The following STARD9 variants were observed in gnomAD, a reference collection of about 807,000 sequenced individuals.
STARD9 encodes StAR related lipid transfer domain containing 9, also known as stAR-related lipid transfer protein 9.
Under a neutral mutation model 399.8 loss-of-function variants are expected in STARD9, and 346 were observed. The ratio of observed to expected loss-of-function variants is 0.87; its 90% CI spans 0.79 to 0.95. The LOEUF (loss-of-function observed/expected upper bound fraction) is 0.95. Among genes scored for constraint, STARD9 ranks in the 40% least tolerant of loss-of-function variants. The pLI, the probability that STARD9 is intolerant of heterozygous loss-of-function variation, is 0.00. For synonymous variants in STARD9, 2,203 were observed against 2,143.5 expected, an observed-to-expected ratio of 1.03 and a Z score of -0.77; for missense variants, 5,832 against 5,667.5, an observed-to-expected ratio of 1.03 and a Z score of -0.93.
At position 42,661,930 on chromosome 15, in the gene STARD9, TTTCTC is replaced by T. The variant is rs1185189604; in HGVS notation, c.770+708_770+712del. On this transcript the variant is annotated intron_variant, in intron 10 of 32. Coordinates refer to ENST00000290607, the MANE Select transcript of STARD9 (RefSeq NM_020759.3). ...TGAAGGTAACTGAATTAGTACAACT[TTTCTC>T]TTTGATTTAATATTGATTTTATTTT... 3.3e-5 allele frequency among the ~76,000 whole-genome samples: 5 copies of T among 152,186 alleles called. No homozygotes were observed. The East Asian group carries it at 9.6e-4, about 29-fold the overall frequency.
At chr15:42,619,205 A>C (rs998574061) in intron 3 of STARD9, among the ~76,000 whole-genome samples, 2 of 152,178 alleles carry the variant, frequency 1.3e-5, no homozygotes, top group African/African-American at 4.8e-5. Flanking sequence ...GAATGATTTG[A>C]ACAACTCCAG....
chr15:42,607,197 T>TTTTTC (rs1409030292), intron 3 of STARD9, among the ~76,000 whole-genome samples: 3 of 89,982 alleles, frequency 3.3e-5, no homozygotes, highest in Non-Finnish European at 7.7e-5. Context: ...TCTGGTGCTT[T>TTTTTC]TTTTTTTTTT....
At chr15:42,600,078 A>G (rs1181645005) in intron 3 of STARD9, among the ~76,000 whole-genome samples, 1 of 152,198 alleles carries the variant, frequency 6.6e-6, no homozygotes, top group Non-Finnish European at 1.5e-5. Context: ...GGTGAAACTA[A>G]GAGGATATAG....
chr15:42,696,007 G>GCT, intron 26 of STARD9, 127 bp downstream of exon 26: 1 of 989,772 alleles, frequency 1.0e-6, no homozygotes. Context: ...GCTGACATGA[G>GCT]CCCTTCTTAT....
At position 42,694,698 on chromosome 15, in the gene STARD9, T is replaced by C. The variant is rs1275524515; in HGVS notation, c.12935T>C (p.Leu4312Pro). The C allele has an allele frequency of 1.3e-6, 2 of 1,536,828 alleles. No individual in the cohort carries two copies. Among genetic ancestry groups the C allele is most frequent in the Non-Finnish European group, 8.7e-7 (1 of 1,146,798 alleles). ...PSRRREYLQQ[L>P]RKDVVETTRS... Reference sequence around the variant, plus strand: ...AGACGCCGAGAATACCTGCAGCAACTGAGGAAGGATGTTGTGGAGACCACC... The same window carrying C: ...AGACGCCGAGAATACCTGCAGCAACCGAGGAAGGATGTTGTGGAGACCACC... Residue 4312 changes from leucine to proline, a missense_variant, in exon 24 of 33, where the codon CTG becomes CCG. Coordinates refer to ENST00000290607, the MANE Select transcript of STARD9 (RefSeq NM_020759.3).
intron 16 of STARD9, chr15:42,673,171 G>T (rs961640702): frequency 6.6e-6 from 1 of 152,114 alleles, no homozygotes. Flanking sequence ...GGAGGCCAAG[G>T]CTAGCGGATC....
Position 42,691,543 on chromosome 15 carries a change from C to A in STARD9, c.9965C>A (p.Pro3322His), listed in dbSNP as rs1217922632. 2 of 1,537,260 alleles carry A rather than the reference C, an allele frequency of 1.3e-6. No individual in the cohort carries two copies. Among genetic ancestry groups the A allele is most frequent in the Admixed American group, 3.9e-5 (2 of 51,006 alleles). The change falls in exon 23 of 33, where the codon CCC becomes CAC. Residue 3322 changes from proline to histidine, a missense_variant. Physicochemically the swap from Pro to His is moderately conservative, Grantham distance 77. Coordinates refer to ENST00000290607, the MANE Select transcript of STARD9 (RefSeq NM_020759.3). ...FSGPKHSRSS[P>H]TPQFSVVGSS... ...GGCCCCAAACACTCCAGGTCCTCCC[C>A]CACACCACAGTTCTCAGTTGTCGGC...
chr15:42,601,020 A>C (rs1415889898), intron 3 of STARD9, among the ~76,000 whole-genome samples: 2 of 152,074 alleles, frequency 1.3e-5, no homozygotes, highest in African/African-American at 4.8e-5. Flanking sequence ...TGCCGCCTTC[A>C]GCAGTGTTTG....
At chr15:42,588,106 G>A (rs796337342) in intron 3 of STARD9, among the ~76,000 whole-genome samples, 2 of 152,260 alleles carry the variant, frequency 1.3e-5, no homozygotes, top group African/African-American at 4.8e-5. Flanking sequence ...CCTGGCCATG[G>A]CATACGTGTG....
chr15:42,685,799 C>T lies in STARD9; in HGVS notation c.4221C>T (p.Cys1407=). The change falls in exon 23 of 33, where the codon TGC becomes TGT. Residue 1407 remains cysteine, a synonymous_variant. Coordinates refer to ENST00000290607, the MANE Select transcript of STARD9 (RefSeq NM_020759.3). ...KLHQGSTELL[C]SARDEHTASA... ...ACCAAGGCAGTACTGAGCTCCTCTG[C>T]AGTGCAAGAGATGAGCACACAGCCT... is the stretch of plus-strand genomic sequence containing the variant. The T allele has an allele frequency of 1.3e-6, 2 of 1,537,292 alleles. No individual in the cohort carries two copies. The highest frequency in any genetic ancestry group is 1.7e-6 in the Non-Finnish European group (2 of 1,146,956).
intron 26 of STARD9, among the ~76,000 whole-genome samples, chr15:42,708,108 A>G (rs775033981): frequency 6.6e-6 from 1 of 152,058 alleles, no homozygotes; most frequent in Non-Finnish European, 1.5e-5. Context: ...AGCTGTGACC[A>G]TGCTGCTGCA....
At chr15:42,708,938 AATAGTTTTATAG>A (rs1347856111) in intron 26 of STARD9, among the ~76,000 whole-genome samples, 5 of 152,154 alleles carry the variant, frequency 3.3e-5, no homozygotes, top group Non-Finnish European at 7.3e-5. Flanking sequence ...TTAGACAACA[AATAGTTTTATAG>A]TATAAGTATG....
At chr15:42,708,631 G>T (rs952494868) in intron 26 of STARD9, among the ~76,000 whole-genome samples, 2 of 151,222 alleles carry the variant, frequency 1.3e-5, no homozygotes, top group African/African-American at 2.4e-5. Context: ...TTGCTTCGTG[G>T]TTAGTAATTT....
chr15:42,578,625 G>GT (rs60284149), intron 1 of STARD9, among the ~76,000 whole-genome samples: 3,406 of 138,144 alleles, frequency 0.025, 47 homozygotes, highest in Middle Eastern at 0.05. Context: ...GTATAGCTTT[G>GT]TTTTTTTTTT....
rs1009431155 is a variant in STARD9 at position 42,616,707 on chromosome 15, C to T, written c.235-18149C>T. ...GAGATCGAGACCATCCTGGCTAACA[C>T]GGTGAAACCCCATCTCTACTAAAAA... On this transcript the variant is annotated intron_variant, in intron 3 of 32. Coordinates refer to ENST00000290607, the MANE Select transcript of STARD9 (RefSeq NM_020759.3). Among the ~76,000 whole-genome samples, 9 of 151,658 alleles carry T rather than the reference C, an allele frequency of 5.9e-5. No homozygotes were observed. The South Asian group carries it at 6.2e-4, about 10-fold the overall frequency.
At chr15:42,621,278 C>T (rs1280217524) in intron 3 of STARD9, among the ~76,000 whole-genome samples, 1 of 152,108 alleles carries the variant, frequency 6.6e-6, no homozygotes, top group Non-Finnish European at 1.5e-5. Flanking sequence ...TTCCGGCCCT[C>T]ATCAGACTTT....
chr15:42,606,499 A>G (rs1376033908), intron 3 of STARD9, among the ~76,000 whole-genome samples: 2 of 152,138 alleles, frequency 1.3e-5, no homozygotes, highest in African/African-American at 4.8e-5. Flanking sequence ...TCTGTTGCCC[A>G]GGCTGGAGTG....
Position 42,685,282 on chromosome 15 carries a change from TTTGGCA to T in STARD9, c.3705_3710del (p.Trp1236_His1237del). On this transcript the variant is annotated inframe_deletion, in exon 23 of 33. Transcript: ENST00000290607. Reference sequence around the variant, plus strand: ...GCTGACGAGATACCCACAGAGACTTTTTGGCACCTGGAGGACTCTAGTCTGCCTGTA... The same window carrying T: ...GCTGACGAGATACCCACAGAGACTTTCCTGGAGGACTCTAGTCTGCCTGTA... 1 of 1,537,538 alleles carries T rather than the reference TTTGGCA, an allele frequency of 6.5e-7. No individual in the cohort carries two copies. Among genetic ancestry groups the T allele is most frequent in the East Asian group, 2.4e-5 (1 of 40,918 alleles).
intron 10 of STARD9, 85 bp from the exon 11 acceptor site, chr15:42,662,709 G>A: frequency 1.2e-6 from 1 of 863,246 alleles, no homozygotes; most frequent in Non-Finnish European, 1.8e-6. Flanking sequence ...ATGATATACA[G>A]AATAACGGAT....
Sources: gnomAD v4.1 joint callset for allele counts (sites outside exome capture counted in the v4.1 genomes callset) on GRCh38, gnomAD v4.1.1 for gene constraint, MANE v1.5 for transcripts, NCBI Gene and HGNC (gene_info 2026-07-23, HGNC 2026-07-21) for gene names.